The following ATP8A2 variants were observed in gnomAD, a reference collection of about 807,000 sequenced individuals.
ATP8A2 encodes phospholipid-transporting ATPase IB.
ATP8A2 carries 100 observed loss-of-function variants against 165.6 expected under a neutral mutation model. The observed-to-expected ratio is 0.60, with a 90% CI of 0.51 to 0.71. The LOEUF (loss-of-function observed/expected upper bound fraction) is 0.71. Among genes scored for constraint, ATP8A2 ranks in the 30% least tolerant of loss-of-function variants. ATP8A2 has a pLI of 0.00. For missense variants in ATP8A2, 1,227 were observed against 1,479.5 expected (o/e 0.83, Z 2.80); for synonymous variants, 543 against 548.8 (o/e 0.99, Z 0.15).
intron 35 of ATP8A2, among the ~76,000 whole-genome samples, chr13:25,996,441 T>A (rs181398707): frequency 6.6e-6 from 1 of 152,338 alleles, no homozygotes; most frequent in East Asian, 1.9e-4. Context: ...TATTTACTCA[T>A]ATTTTGCTTA....
At position 25,978,927 on chromosome 13, in the gene ATP8A2, G is replaced by C. The variant is rs1391492021; in HGVS notation, c.3377+10248G>C. Reference sequence around the variant, plus strand: ...TGCACTCCAGCCTGGGCGACAGAGCGAGACTACGGCTCAAAAAAAAAAGCC... The same window carrying C: ...TGCACTCCAGCCTGGGCGACAGAGCCAGACTACGGCTCAAAAAAAAAAGCC... On this transcript the variant is annotated intron_variant, in intron 35 of 36. Transcript: ENST00000381655. Among the ~76,000 whole-genome samples the C allele has an allele frequency of 3.3e-5, 5 of 151,772 alleles. No individual in the cohort carries two copies. The East Asian group carries it at 9.7e-4, about 29-fold the overall frequency.
chr13:25,466,785 G>C (rs563359242), intron 1 of ATP8A2, among the ~76,000 whole-genome samples: 1 of 152,164 alleles, frequency 6.6e-6, no homozygotes, highest in Non-Finnish European at 1.5e-5. Flanking sequence ...CTTTGACCAC[G>C]CACTGTTCAG....
At chr13:25,719,316 T>C (rs2043322389) in intron 25 of ATP8A2, among the ~76,000 whole-genome samples, 2 of 152,172 alleles carry the variant, frequency 1.3e-5, no homozygotes, top group African/African-American at 2.4e-5. Context: ...TTTGGCAAGA[T>C]TGGTTTTTCT....
chr13:25,575,406 A>G (rs1175012801), intron 19 of ATP8A2, among the ~76,000 whole-genome samples: 1 of 152,228 alleles, frequency 6.6e-6, no homozygotes, highest in Non-Finnish European at 1.5e-5. Flanking sequence ...TTTTGTTCAC[A>G]TAGAACATTC....
intron 33 of ATP8A2, among the ~76,000 whole-genome samples, chr13:25,950,125 A>G (rs1400818429): frequency 6.6e-6 from 1 of 152,148 alleles, no homozygotes; most frequent in Non-Finnish European, 1.5e-5. Context: ...TAAACCACAC[A>G]GTACTCGTTT....
At position 25,917,852 on chromosome 13, in the gene ATP8A2, G is replaced by A. The variant is rs555628553; in HGVS notation, c.3184-43723G>A. Among the ~76,000 whole-genome samples, 20 of 152,254 alleles carry A rather than the reference G, an allele frequency of 1.3e-4. No individual in the cohort carries two copies. In the South Asian group the frequency reaches 3.9e-3, roughly 30 times the overall value. ...AAAAATAATTTCTTCAAAATTCGAT[G>A]TATTATTTTAAATTAGTTAATAGAT... On this transcript the variant is annotated intron_variant, in intron 33 of 36. Transcript: ENST00000381655.
chr13:25,564,692 T>C (rs1330535111), intron 16 of ATP8A2, among the ~76,000 whole-genome samples: 1 of 152,218 alleles, frequency 6.6e-6, no homozygotes, highest in African/African-American at 2.4e-5. Context: ...GTTATTTATT[T>C]ATTTTTAATT....
At chr13:25,983,265 A>G (rs978353674) in intron 35 of ATP8A2, among the ~76,000 whole-genome samples, 1 of 152,220 alleles carries the variant, frequency 6.6e-6, no homozygotes, top group Admixed American at 6.5e-5. Flanking sequence ...TACTTACACC[A>G]TGAAGAACAA....
At chr13:25,448,214 T>C (rs2035121125) in intron 1 of ATP8A2, among the ~76,000 whole-genome samples, 1 of 152,258 alleles carries the variant, frequency 6.6e-6, no homozygotes, top group Non-Finnish European at 1.5e-5. Context: ...AATATGCTCT[T>C]CTAGCTATTT....
intron 2 of ATP8A2, among the ~76,000 whole-genome samples, chr13:25,489,122 T>A: frequency 6.6e-6 from 1 of 152,046 alleles, no homozygotes; most frequent in East Asian, 1.9e-4. Context: ...ACCTTCCCGA[T>A]TGCTGGTGGT....
chr13:25,468,717 C>T (rs1358640784), intron 1 of ATP8A2: 1 of 535,038 alleles, frequency 1.9e-6, no homozygotes, highest in Non-Finnish European at 2.4e-6. Context: ...GGGCGGCTCT[C>T]CCGGGGCGGG....
chr13:25,775,835 T>A (rs2044729461), intron 27 of ATP8A2, among the ~76,000 whole-genome samples: 1 of 152,216 alleles, frequency 6.6e-6, no homozygotes, highest in East Asian at 1.9e-4. Context: ...AAGGAAGAAA[T>A]CAACTTTTTC....
intron 33 of ATP8A2, among the ~76,000 whole-genome samples, chr13:25,896,862 C>CT (rs1012141223): frequency 9.2e-5 from 14 of 151,888 alleles, no homozygotes; most frequent in South Asian, 6.3e-4. Flanking sequence ...CAACCCCTGC[C>CT]TTTTTTTGTT....
intron 25 of ATP8A2, among the ~76,000 whole-genome samples, chr13:25,722,852 G>A (rs2043410813): frequency 6.6e-6 from 1 of 152,044 alleles, no homozygotes; most frequent in Non-Finnish European, 1.5e-5. Flanking sequence ...TCATTCACTT[G>A]TGTTTCTTCA....
intron 33 of ATP8A2, chr13:25,927,392 T>C (rs1290306153): frequency 2.8e-6 from 1 of 353,498 alleles, no homozygotes; most frequent in Non-Finnish European, 5.6e-6. Flanking sequence ...ATTCCCAATC[T>C]CAAAATAGGC....
At chr13:25,831,216 C>CTTT (rs71759758) in intron 28 of ATP8A2, among the ~76,000 whole-genome samples, 12 of 133,486 alleles carry the variant, frequency 9.0e-5, no homozygotes, top group African/African-American at 1.1e-4. Context: ...AACTAATTTT[C>CTTT]TTTTTTTTTT....
chr13:25,629,968 A>C (rs1159608273), intron 24 of ATP8A2, among the ~76,000 whole-genome samples: 7 of 152,170 alleles, frequency 4.6e-5, no homozygotes, highest in African/African-American at 1.7e-4. Context: ...TTGCTGAAGT[A>C]TTTATAGTAC....
intron 24 of ATP8A2, among the ~76,000 whole-genome samples, chr13:25,621,481 CTG>C (rs1314250944): frequency 2.6e-5 from 4 of 152,120 alleles, no homozygotes; most frequent in African/African-American, 9.7e-5. Context: ...ATTCTATAAT[CTG>C]TGTTCTTCCC....
In ATP8A2 at chr13:25,654,487, G is replaced by T. The variant is rs548823998; in HGVS notation, c.2212-44686G>T. Among the ~76,000 whole-genome samples the T allele has an allele frequency of 7.2e-5, 11 of 152,312 alleles. 1 individual carries two copies. In the South Asian group the frequency reaches 2.1e-3, roughly 29 times the overall value. On this transcript the variant is annotated intron_variant, in intron 24 of 36. Transcript: ENST00000381655. ...CTCCCAAAGTGCTAGGATTACAGGC[G>T]TGAGCCACTGTGCCCTGCCCTTGGT...
Sources: gnomAD v4.1 joint callset for allele counts (sites outside exome capture counted in the v4.1 genomes callset) on GRCh38, gnomAD v4.1.1 for gene constraint, MANE v1.5 for transcripts, NCBI Gene and HGNC (gene_info 2026-07-23, HGNC 2026-07-21) for gene names.